RNF220: variants seen among roughly 807,000 people sequenced by gnomAD.
The protein encoded by RNF220 is ring finger protein 220.
Under a neutral mutation model 67.1 loss-of-function variants are expected in RNF220, and 7 were observed. That is an observed-to-expected ratio of 0.10 (90% CI 0.06 to 0.20). RNF220 has a LOEUF of 0.20. RNF220 is among the 10% of genes least tolerant of loss of function. RNF220 has a pLI of 1.00. For synonymous variants in RNF220, 270 were observed against 283.2 expected (o/e 0.95, Z 0.47); for missense variants, 565 against 740.3 (o/e 0.76, Z 2.75).
rs1256998168 is a variant in RNF220, at chr1:44,412,790, T to G, written c.625+68T>G. On this transcript the variant is annotated intron_variant, in intron 2 of 14. Transcript: ENST00000361799. This position sits in a 1 kb window ranked among gnomAD's most constrained non-coding sequence, Gnocchi z 5.3. ...CTGCCTCACCGTGATGTTCAACAGG[T>G]CGGTGGCGTTTTGCATGCTCCTAGT... is the stretch of plus-strand genomic sequence containing the variant. 1.1e-5 allele frequency: 17 copies of G among 1,540,364 alleles called. No homozygotes were observed. Among genetic ancestry groups the G allele is most frequent in the Non-Finnish European group, 1.5e-5 (17 of 1,140,030 alleles).
intron 2 of RNF220, among the ~76,000 whole-genome samples, chr1:44,611,225 A>T (rs1346469465): frequency 6.6e-6 from 1 of 152,226 alleles, no homozygotes; most frequent in Non-Finnish European, 1.5e-5. Flanking sequence ...ATCCCTGCCA[A>T]TGCTATTCCT....
chr1:44,534,928 G>T (rs1171958190), intron 2 of RNF220, among the ~76,000 whole-genome samples: 2 of 152,174 alleles, frequency 1.3e-5, no homozygotes, highest in Non-Finnish European at 2.9e-5. Context: ...ATGTTTTTAA[G>T]CTCTTCAAGT....
chr1:44,647,002 GC>G (rs1644670804), intron 12 of RNF220, among the ~76,000 whole-genome samples: 1 of 152,252 alleles, frequency 6.6e-6, no homozygotes, highest in Admixed American at 6.5e-5. Flanking sequence ...GGGGTTGGAG[GC>G]TTGGGTATTT....
At chr1:44,457,164 C>T (rs1225385574) in intron 2 of RNF220, among the ~76,000 whole-genome samples, 1 of 152,148 alleles carries the variant, frequency 6.6e-6, no homozygotes, top group Admixed American at 6.6e-5. Context: ...TCTTCCTCCT[C>T]TTCTCTGCCC....
At chr1:44,512,313 G>T (rs528818299) in intron 2 of RNF220, among the ~76,000 whole-genome samples, 1 of 152,246 alleles carries the variant, frequency 6.6e-6, no homozygotes, top group Admixed American at 6.5e-5. Flanking sequence ...ACCTAATTAT[G>T]GGGGGAGGCG....
rs34069585 is a variant in RNF220 at position 44,530,531 on chromosome 1, CAAAAA to C, written c.626-83622_626-83618del. ...ATGCACTTTCATGGAGTCAAATCTG[CAAAAA>C]AAAAAAAAAAAGCATAAAAAGAATT... On this transcript the variant is annotated intron_variant, in intron 2 of 14. Coordinates refer to ENST00000361799, the MANE Select transcript of RNF220 (RefSeq NM_018150.4). Among the ~76,000 whole-genome samples, 97 of 136,466 alleles carry C rather than the reference CAAAAA, an allele frequency of 7.1e-4. 2 individuals carry two copies. The highest frequency in any genetic ancestry group is 1.8e-3 in the African/African-American group (65 of 36,860). The allele number at this position is 136,466 out of a possible 152,430, so 89.5% of individuals were successfully genotyped here.
rs762159522 is a variant in RNF220 at position 44,632,427 on chromosome 1, T to TCCTCCCTC, written c.949+51_949+58dup. On this transcript the variant is annotated intron_variant, in intron 6 of 14. Coordinates refer to ENST00000361799, the MANE Select transcript of RNF220 (RefSeq NM_018150.4). Reference sequence around the variant, plus strand: ...CCCTCCCTCCGCCCCACCCCCGGCCTCCTCCCTCCCTCCCTCACTGCCTGC... The same window carrying TCCTCCCTC: ...CCCTCCCTCCGCCCCACCCCCGGCCTCCTCCCTCCCTCCCTCCCTCCCTCACTGCCTGC... 3.0e-5 allele frequency: 29 copies of TCCTCCCTC among 967,970 alleles called. 1 individual carries two copies. In the South Asian group the frequency reaches 4.7e-4, roughly 16 times the overall value. The allele number at this position is 967,970 out of a possible 1,614,324, so 60.0% of individuals were successfully genotyped here.
At chr1:44,519,700 C>T (rs1659753359) in intron 2 of RNF220, among the ~76,000 whole-genome samples, 2 of 152,232 alleles carry the variant, frequency 1.3e-5, no homozygotes, top group African/African-American at 4.8e-5. Context: ...ACCCCCCTCC[C>T]TCCATCTCTC....
chr1:44,567,874 C>T (rs1015821490), intron 2 of RNF220, among the ~76,000 whole-genome samples: 4 of 152,136 alleles, frequency 2.6e-5, no homozygotes, highest in African/African-American at 4.8e-5. Context: ...GAAAACCTGC[C>T]TGGGGAGCCC....
chr1:44,451,388 C>T (rs552845900), intron 2 of RNF220, among the ~76,000 whole-genome samples: 3 of 152,108 alleles, frequency 2.0e-5, no homozygotes, highest in African/African-American at 4.8e-5. Context: ...ATTGAGCATG[C>T]TTTCATATAT....
At chr1:44,552,815 C>A (rs565196358) in intron 2 of RNF220, among the ~76,000 whole-genome samples, 10 of 151,904 alleles carry the variant, frequency 6.6e-5, no homozygotes, top group Non-Finnish European at 1.2e-4. Context: ...GTGATCCGCC[C>A]GCCTTGGCCT....
chr1:44,475,712 A>C (rs951874518), intron 2 of RNF220, among the ~76,000 whole-genome samples: 1 of 150,846 alleles, frequency 6.6e-6, no homozygotes, highest in African/African-American at 2.5e-5. Flanking sequence ...GCCATTATTG[A>C]GTGTATTAAT....
intron 2 of RNF220, among the ~76,000 whole-genome samples, chr1:44,598,526 A>G (rs1038942982): frequency 6.6e-5 from 10 of 152,144 alleles, no homozygotes; most frequent in African/African-American, 2.2e-4. Flanking sequence ...TTTCTTGGGT[A>G]GGGAAATTGC....
intron 2 of RNF220, among the ~76,000 whole-genome samples, chr1:44,470,016 A>AT (rs5773835): frequency 0.34 from 51,795 of 152,006 alleles, 9,129 homozygotes; most frequent in Middle Eastern, 0.43. Flanking sequence ...TCAGAGTCAC[A>AT]TTTGAAACTA....
intron 6 of RNF220, 29 bp downstream of exon 6, chr1:44,632,414 C>T: frequency 6.3e-7 from 1 of 1,595,686 alleles, no homozygotes; most frequent in East Asian, 2.3e-5. Context: ...CTCCCTCCGC[C>T]CCACCCCCGG....
At chr1:44,614,035 C>T (rs1643434325) in intron 2 of RNF220, 130 bp from the exon 3 acceptor site, 1 of 1,257,250 alleles carries the variant, frequency 8.0e-7, no homozygotes, top group Non-Finnish European at 1.1e-6. Context: ...CTCTGAAACC[C>T]TCAGGCCCCT....
At chr1:44,636,192 A>G in intron 8 of RNF220, 30 bp downstream of exon 8, 1 of 1,577,942 alleles carries the variant, frequency 6.3e-7, no homozygotes, top group Non-Finnish European at 8.6e-7. Context: ...AGACATTGGC[A>G]CTCTGGTGCC....
At chr1:44,513,092 G>A (rs1167838323) in intron 2 of RNF220, among the ~76,000 whole-genome samples, 1 of 152,192 alleles carries the variant, frequency 6.6e-6, no homozygotes, top group Non-Finnish European at 1.5e-5. Flanking sequence ...AAGGGATTTG[G>A]AGTCCAGAAA....
chr1:44,573,198 A>T (rs1165465587), intron 2 of RNF220, among the ~76,000 whole-genome samples: 2 of 152,226 alleles, frequency 1.3e-5, no homozygotes, highest in East Asian at 3.8e-4. Context: ...GCTGCTTCAC[A>T]TGCATTATCT....
Sources: allele counts gnomAD v4.1 joint callset (sites outside exome capture counted in the v4.1 genomes callset), GRCh38; gene constraint gnomAD v4.1.1; non-coding constraint Gnocchi (gnomAD v3.1); transcripts MANE v1.5; gene names NCBI Gene and HGNC (gene_info 2026-07-23, HGNC 2026-07-21).